NPAS3: variants seen among roughly 807,000 people sequenced by gnomAD.
NPAS3 encodes neuronal PAS domain protein 3, also known as neuronal PAS domain-containing protein 3.
In NPAS3, 14 loss-of-function variants were observed where a neutral mutation model predicts 73.1. The observed-to-expected ratio is 0.19, with a 90% confidence interval of 0.13 to 0.30. NPAS3 has a LOEUF of 0.30. Among genes scored for constraint, NPAS3 ranks in the 10% least tolerant of loss-of-function variants. The pLI is 1.00. For synonymous variants in NPAS3, 620 were observed against 541.5 expected, an observed-to-expected ratio of 1.14 and a Z score of -2.01; for missense variants, 1,096 against 1,250.0, an observed-to-expected ratio of 0.88 and a Z score of 1.86.
intron 4 of NPAS3, among the ~76,000 whole-genome samples, chr14:33,532,303 T>C (rs760136235): frequency 9.2e-5 from 14 of 152,254 alleles, no homozygotes; most frequent in Non-Finnish European, 1.6e-4. Flanking sequence ...AGTTTTTCCT[T>C]TCTTTGGTCT....
intron 5 of NPAS3, among the ~76,000 whole-genome samples, chr14:33,563,869 A>G (rs1430997747): frequency 6.6e-6 from 1 of 152,234 alleles, no homozygotes. Flanking sequence ...CTGAAAATGT[A>G]GCAATGATAT....
intron 5 of NPAS3, among the ~76,000 whole-genome samples, chr14:33,638,246 T>G (rs1244458290): frequency 6.6e-6 from 1 of 152,210 alleles, no homozygotes; most frequent in African/African-American, 2.4e-5. Context: ...TAAAGATCAT[T>G]TAACCAGAAT....
In NPAS3 at chr14:33,323,187, T is replaced by C. The variant is rs569058743; in HGVS notation, c.386-43999T>C. On this transcript the variant is annotated intron_variant, in intron 3 of 11. Coordinates refer to ENST00000356141, the Ensembl canonical transcript of NPAS3. ...AAGACTATTCACCCAAAGGCCCCTC[T>C]GGGATAGCCTAATAGACTATGAGCT... 5.0e-4 allele frequency among the ~76,000 whole-genome samples: 76 copies of C among 152,306 alleles called. No homozygotes were observed. In the South Asian group the frequency reaches 5.8e-3, roughly 12 times the overall value.
At chr14:33,559,821 C>A (rs899376753) in intron 4 of NPAS3, among the ~76,000 whole-genome samples, 1 of 152,084 alleles carries the variant, frequency 6.6e-6, no homozygotes, top group African/African-American at 2.4e-5. Flanking sequence ...GAGTTCGAGA[C>A]CAGCCTGGCC....
intron 6 of NPAS3, among the ~76,000 whole-genome samples, chr14:33,705,183 A>C (rs1327541530): frequency 6.6e-6 from 1 of 152,248 alleles, no homozygotes; most frequent in Non-Finnish European, 1.5e-5. Flanking sequence ...ACAGATAAAC[A>C]TGATCTGTTT....
At chr14:33,576,439 A>C (rs1457202675) in intron 5 of NPAS3, among the ~76,000 whole-genome samples, 3 of 152,090 alleles carry the variant, frequency 2.0e-5, no homozygotes, top group Non-Finnish European at 4.4e-5. Context: ...ATGATGTGCT[A>C]ATCCATTATA....
At chr14:33,156,806 T>C (rs1275838539) in intron 2 of NPAS3, among the ~76,000 whole-genome samples, 1 of 152,196 alleles carries the variant, frequency 6.6e-6, no homozygotes, top group East Asian at 1.9e-4. Context: ...GAAGTCACAG[T>C]GCACTTAGCA....
chr14:33,140,416 A>C (rs1013046468), intron 2 of NPAS3, among the ~76,000 whole-genome samples: 10 of 152,166 alleles, frequency 6.6e-5, no homozygotes, highest in African/African-American at 2.4e-4. Flanking sequence ...TTTAGGGGTG[A>C]AAATGTAGAA....
intron 4 of NPAS3, among the ~76,000 whole-genome samples, chr14:33,479,841 CTTAT>C (rs2051226380): frequency 6.6e-6 from 1 of 152,124 alleles, no homozygotes; most frequent in Non-Finnish European, 1.5e-5. Flanking sequence ...TTTGAACACA[CTTAT>C]TTCTTTCCAT....
chr14:33,494,689 A>C (rs1417315764), intron 4 of NPAS3, among the ~76,000 whole-genome samples: 1 of 152,138 alleles, frequency 6.6e-6, no homozygotes, highest in South Asian at 2.1e-4. Context: ...TGTTGTTTAA[A>C]CCATAGGTAT....
At chr14:33,504,729 G>A (rs1231082958) in intron 4 of NPAS3, among the ~76,000 whole-genome samples, 6 of 151,946 alleles carry the variant, frequency 3.9e-5, no homozygotes, top group African/African-American at 9.7e-5. Context: ...TCAGGGAAAC[G>A]GTGCAAAATA....
intron 1 of NPAS3, among the ~76,000 whole-genome samples, chr14:33,020,953 G>A (rs1233294829): frequency 1.3e-5 from 2 of 151,958 alleles, no homozygotes; most frequent in African/African-American, 4.8e-5. Flanking sequence ...GTAGAGATGG[G>A]GCTTCATCAT....
chr14:33,221,814 A>G (rs1033173302), intron 3 of NPAS3, among the ~76,000 whole-genome samples: 1 of 152,284 alleles, frequency 6.6e-6, no homozygotes, highest in African/African-American at 2.4e-5. Context: ...CTATGTCATC[A>G]TCTGACTGGA....
intron 2 of NPAS3, among the ~76,000 whole-genome samples, chr14:33,154,166 C>A (rs2044563480): frequency 6.6e-6 from 1 of 152,160 alleles, no homozygotes. Flanking sequence ...CTCCTGGAGC[C>A]TGGGCAGTTA....
intron 5 of NPAS3, among the ~76,000 whole-genome samples, chr14:33,579,600 G>C (rs2056582896): frequency 6.6e-6 from 1 of 152,086 alleles, no homozygotes; most frequent in Non-Finnish European, 1.5e-5. Flanking sequence ...CGATAGAATT[G>C]TCCTCAAATA....
chr14:33,232,723 A>T (rs1298202530), intron 3 of NPAS3, among the ~76,000 whole-genome samples: 1 of 152,158 alleles, frequency 6.6e-6, no homozygotes, highest in East Asian at 1.9e-4. Context: ...CCCTATTTAA[A>T]TGAGTCCTAT....
intron 8 of NPAS3, among the ~76,000 whole-genome samples, chr14:33,778,193 G>A (rs1595597119): frequency 6.6e-6 from 1 of 152,226 alleles, no homozygotes; most frequent in East Asian, 1.9e-4. Context: ...AAATTATGTT[G>A]TCTAAATGTG....
chr14:33,039,173 T>C (rs980530926), intron 1 of NPAS3, among the ~76,000 whole-genome samples: 5 of 152,208 alleles, frequency 3.3e-5, no homozygotes, highest in Admixed American at 6.5e-5. Context: ...TGATGCTCAT[T>C]CTGAGGTTAT....
exon 6 of NPAS3, chr14:33,676,246 C>A: frequency 6.2e-7 from 1 of 1,613,910 alleles, no homozygotes; most frequent in South Asian, 1.1e-5. Flanking sequence ...TTGACTATGT[C>A]CACCCCGGAG....
Sources: allele counts gnomAD v4.1 joint callset (sites outside exome capture counted in the v4.1 genomes callset), GRCh38; gene constraint gnomAD v4.1.1; transcripts MANE v1.5; gene names NCBI Gene and HGNC (gene_info 2026-07-23, HGNC 2026-07-21).